The following SLC4A10 variants were observed in gnomAD, a reference collection of about 807,000 sequenced individuals.
SLC4A10 encodes solute carrier family 4 member 10.
SLC4A10 carries 42 observed loss-of-function variants against 137.7 expected under a neutral mutation model. The ratio of observed to expected loss-of-function variants is 0.30; its 90% CI spans 0.24 to 0.39. The LOEUF (loss-of-function observed/expected upper bound fraction) is 0.39. Among genes scored for constraint, SLC4A10 ranks in the 10% least tolerant of loss-of-function variants. SLC4A10 has a pLI of 1.00. For missense variants in SLC4A10, 925 were observed against 1,355.0 expected (o/e 0.68, Z 4.98); for synonymous variants, 474 against 464.1 (o/e 1.02, Z -0.27).
In SLC4A10 at chr2:161,686,362, A is replaced by G. The variant is rs973859831; in HGVS notation, c.48+61796A>G. Among the ~76,000 whole-genome samples the G allele has an allele frequency of 4.6e-5, 7 of 152,300 alleles. No individual in the cohort carries two copies. In the East Asian group the frequency reaches 5.8e-4, roughly 13 times the overall value. The stretch of plus-strand genomic sequence containing the variant: ...AATTATAAATTTCTACAAAATTAAG[A>G]TATATTTTTCAAATATCAATTTATT... On this transcript the variant is annotated intron_variant, in intron 1 of 26. Coordinates refer to ENST00000446997, the MANE Select transcript of SLC4A10 (RefSeq NM_001178015.2).
intron 5 of SLC4A10, among the ~76,000 whole-genome samples, chr2:161,859,571 CT>C (rs1204995058): frequency 7.8e-6 from 1 of 128,584 alleles, no homozygotes; most frequent in East Asian, 2.4e-4. Context: ...CCTATTTGTC[CT>C]TTTTTTCTTT....
intron 6 of SLC4A10, among the ~76,000 whole-genome samples, chr2:161,871,925 C>A (rs1023817052): frequency 1.3e-5 from 2 of 152,106 alleles, no homozygotes; most frequent in African/African-American, 4.8e-5. Context: ...GCTGAGCTTA[C>A]ATCTTAACAG....
intron 1 of SLC4A10, among the ~76,000 whole-genome samples, chr2:161,702,415 A>T (rs2043220745): frequency 6.6e-6 from 1 of 151,890 alleles, no homozygotes; most frequent in African/African-American, 2.4e-5. Flanking sequence ...ATGTTTGTTT[A>T]TATTTTCCTA....
intron 12 of SLC4A10, among the ~76,000 whole-genome samples, chr2:161,901,776 A>G (rs1357929798): frequency 2.0e-5 from 3 of 151,700 alleles, no homozygotes; most frequent in Admixed American, 6.6e-5. Flanking sequence ...CCCTTTATCT[A>G]TGTGTTGTCT....
intron 23 of SLC4A10, among the ~76,000 whole-genome samples, chr2:161,966,181 T>G (rs1418764659): frequency 6.6e-6 from 1 of 152,168 alleles, no homozygotes; most frequent in African/African-American, 2.4e-5. Context: ...TCTCAGAAAT[T>G]TATACCAATA....
intron 3 of SLC4A10, among the ~76,000 whole-genome samples, chr2:161,839,193 C>CTAAGTGAA (rs2059013962): frequency 6.6e-6 from 1 of 152,184 alleles, no homozygotes; most frequent in Non-Finnish European, 1.5e-5. Context: ...AAGGCATTTG[C>CTAAGTGAA]TAAGTGAATA....
At chr2:161,942,616 T>G (rs545753011) in intron 15 of SLC4A10, among the ~76,000 whole-genome samples, 176 bp from the exon 16 acceptor site, 3 of 152,144 alleles carry the variant, frequency 2.0e-5, no homozygotes, top group Non-Finnish European at 4.4e-5. Context: ...CCTAACAGTC[T>G]ATCCATCTTG....
chr2:161,734,709 A>T (rs906673364), intron 1 of SLC4A10, among the ~76,000 whole-genome samples: 15 of 152,158 alleles, frequency 9.9e-5, no homozygotes, highest in African/African-American at 3.6e-4. Context: ...TTTACCAAAA[A>T]CATATCTTGT....
chr2:161,964,356 C>A, intron 22 of SLC4A10, 48 bp downstream of exon 22: 1 of 1,575,744 alleles, frequency 6.3e-7, no homozygotes, highest in Non-Finnish European at 8.7e-7. Context: ...ATTTGCTGGT[C>A]TCTTTGGAAA....
At chr2:161,645,759 A>G (rs781026162) in intron 1 of SLC4A10, among the ~76,000 whole-genome samples, 17 of 152,110 alleles carry the variant, frequency 1.1e-4, no homozygotes, top group Non-Finnish European at 2.1e-4. Flanking sequence ...AACATAGTAA[A>G]GTAATTTTAC....
At chr2:161,708,710 A>C (rs984016081) in intron 1 of SLC4A10, 1 of 1,526,436 alleles carries the variant, frequency 6.6e-7, no homozygotes, top group East Asian at 2.5e-5. Context: ...AGATGCTGAG[A>C]CATAGAGATG....
At chr2:161,736,234 A>G (rs1436632067) in intron 1 of SLC4A10, among the ~76,000 whole-genome samples, 1 of 152,130 alleles carries the variant, frequency 6.6e-6, no homozygotes. Context: ...CTCTTACATG[A>G]AACAAGATAA....
At chr2:161,656,159 T>C (rs1483243413) in intron 1 of SLC4A10, among the ~76,000 whole-genome samples, 4 of 152,156 alleles carry the variant, frequency 2.6e-5, no homozygotes, top group Non-Finnish European at 5.9e-5. Context: ...ATCTTTGGAA[T>C]GCAAAGATGG....
chr2:161,956,960 C>G, intron 19 of SLC4A10, 29 bp from the exon 20 acceptor site: 19 of 1,538,112 alleles, frequency 1.2e-5, no homozygotes, highest in Non-Finnish European at 1.7e-5. Context: ...GACACAGTTT[C>G]TTTCTCTCTT....
intron 25 of SLC4A10, chr2:161,977,190 A>G: frequency 3.5e-6 from 1 of 284,642 alleles, no homozygotes; most frequent in Non-Finnish European, 6.6e-6. Flanking sequence ...CCCTTTAGAC[A>G]TCTGGCCACA....
intron 1 of SLC4A10, among the ~76,000 whole-genome samples, chr2:161,670,168 C>T (rs1442972219): frequency 1.3e-5 from 2 of 152,012 alleles, no homozygotes; most frequent in Non-Finnish European, 2.9e-5. Flanking sequence ...TTATTTTAGT[C>T]TTTAGGGTCT....
chr2:161,891,820 A>T (rs1220118722), intron 10 of SLC4A10, among the ~76,000 whole-genome samples: 9 of 151,960 alleles, frequency 5.9e-5, no homozygotes, highest in African/African-American at 1.9e-4. Flanking sequence ...CTCATTCTCC[A>T]TCCAGTTTTG....
chr2:161,686,975 C>T (rs1243890603), intron 1 of SLC4A10, among the ~76,000 whole-genome samples: 3 of 147,558 alleles, frequency 2.0e-5, no homozygotes, highest in African/African-American at 5.2e-5. Flanking sequence ...CTCCGCCTCC[C>T]GGGTTCAGGC....
intron 6 of SLC4A10, among the ~76,000 whole-genome samples, chr2:161,869,558 A>G (rs72881030): frequency 0.061 from 9,174 of 151,538 alleles, 367 homozygotes; most frequent in East Asian, 0.13. Flanking sequence ...AAAGACTTCT[A>G]TTTTTTCAAA....
Sources: gnomAD v4.1 joint callset for allele counts (sites outside exome capture counted in the v4.1 genomes callset) on GRCh38, gnomAD v4.1.1 for gene constraint, MANE v1.5 for transcripts, NCBI Gene and HGNC (gene_info 2026-07-23, HGNC 2026-07-21) for gene names.